The following GKAP1 variants were observed in gnomAD, a reference collection of about 807,000 sequenced individuals.
GKAP1 encodes G kinase anchoring protein 1, also known as G kinase-anchoring protein 1.
A neutral mutation model predicts 56.7 loss-of-function variants in GKAP1; 31 were observed. The ratio of observed to expected loss-of-function variants is 0.55; its 90% CI spans 0.41 to 0.74. The LOEUF is 0.74. Ranked by LOEUF, GKAP1 falls within the 30% of genes least tolerant of loss-of-function variation. The pLI is 0.00. For missense variants in GKAP1, 364 were observed against 402.3 expected (o/e 0.90, Z 0.82); for synonymous variants, 151 against 138.6 (o/e 1.09, Z -0.63).
chr9:83,776,532 TA>T (rs1031647405), intron 7 of GKAP1, among the ~76,000 whole-genome samples: 42 of 152,096 alleles, frequency 2.8e-4, no homozygotes, highest in Middle Eastern at 6.8e-3. Context: ...CCACCTCTAT[TA>T]AAAATACAAA....
intron 2 of GKAP1, among the ~76,000 whole-genome samples, chr9:83,813,789 AC>A (rs1200395525): frequency 6.6e-6 from 1 of 152,202 alleles, no homozygotes; most frequent in African/African-American, 2.4e-5. Context: ...ACTAGTACAA[AC>A]TATTAATTTA....
At chr9:83,768,587 T>C (rs1013940045) in intron 8 of GKAP1, among the ~76,000 whole-genome samples, 1 of 152,170 alleles carries the variant, frequency 6.6e-6, no homozygotes, top group African/African-American at 2.4e-5. Context: ...TAACAGTACA[T>C]AGCTTATGGC....
intron 7 of GKAP1, among the ~76,000 whole-genome samples, chr9:83,778,523 A>T (rs1222441356): frequency 6.6e-6 from 1 of 152,152 alleles, no homozygotes; most frequent in East Asian, 1.9e-4. Flanking sequence ...GAGGGGAACA[A>T]GACACACTGG....
chr9:83,811,874 T>C (rs1450364028), intron 2 of GKAP1, among the ~76,000 whole-genome samples: 3 of 151,990 alleles, frequency 2.0e-5, no homozygotes, highest in Non-Finnish European at 4.4e-5. Context: ...ATCTGTGCTA[T>C]GCTATACTTA....
chr9:83,793,324 A>G (rs142757053), intron 4 of GKAP1, among the ~76,000 whole-genome samples: 1 of 152,216 alleles, frequency 6.6e-6, no homozygotes, highest in African/African-American at 2.4e-5. Context: ...ACTTAATAGC[A>G]GTGGTGCATA....
chr9:83,768,226 C>T (rs1014835724), intron 8 of GKAP1, among the ~76,000 whole-genome samples: 1 of 152,140 alleles, frequency 6.6e-6, no homozygotes, highest in Non-Finnish European at 1.5e-5. Context: ...CAGAATTTTT[C>T]AGTTTCCTAA....
intron 4 of GKAP1, among the ~76,000 whole-genome samples, chr9:83,791,796 A>G (rs1234261738): frequency 1.3e-5 from 2 of 152,222 alleles, no homozygotes; most frequent in Non-Finnish European, 2.9e-5. Flanking sequence ...AAGAGCTACA[A>G]AAGTTGAGAA....
intron 4 of GKAP1, among the ~76,000 whole-genome samples, chr9:83,794,969 T>C (rs1262099859): frequency 6.6e-6 from 1 of 151,800 alleles, no homozygotes; most frequent in Non-Finnish European, 1.5e-5. Flanking sequence ...CAGCCTGGCC[T>C]GTAAAATCCC....
At chr9:83,771,155 T>G (rs1205113852) in intron 7 of GKAP1, among the ~76,000 whole-genome samples, 4 of 152,010 alleles carry the variant, frequency 2.6e-5, no homozygotes, top group Non-Finnish European at 5.9e-5. Context: ...CTCACCCCTT[T>G]AGGTTCAAGC....
At chr9:83,772,122 G>C (rs193121016) in intron 7 of GKAP1, among the ~76,000 whole-genome samples, 2 of 152,006 alleles carry the variant, frequency 1.3e-5, no homozygotes, top group African/African-American at 4.8e-5. Context: ...TATGGCAAAT[G>C]TAAGAACATA....
chr9:83,790,521 G>A lies in GKAP1; in HGVS notation c.361-1843C>T, dbSNP rs937591905. Among the ~76,000 whole-genome samples the A allele has an allele frequency of 9.2e-5, 14 of 152,094 alleles. No individual in the cohort carries two copies. The East Asian group carries it at 1.7e-3, about 19-fold the overall frequency. On this transcript the variant is annotated intron_variant, in intron 4 of 12. Coordinates refer to ENST00000376371, the MANE Select transcript of GKAP1 (RefSeq NM_025211.4). ...AAACTAGGCCGGCACAGTGGCTCAC[G>A]CCTATAATCCCAGCACTTTAGGAGG...
chr9:83,750,905 A>G (rs763923724), intron 9 of GKAP1, among the ~76,000 whole-genome samples: 3 of 151,538 alleles, frequency 2.0e-5, no homozygotes. Context: ...GCACGATCTT[A>G]GCTCACTGCA....
Position 83,779,448 on chromosome 9 carries a change from T to TACACACAC in GKAP1, c.585+926_585+933dup, listed in dbSNP as rs368970118. Among the ~76,000 whole-genome samples the TACACACAC allele has an allele frequency of 5.8e-4, 69 of 119,612 alleles. 1 individual carries two copies. Among genetic ancestry groups the TACACACAC allele is most frequent in the African/African-American group, 1.7e-3 (56 of 32,406 alleles). The allele number at this position is 119,612 out of a possible 152,430, so 78.5% of individuals were successfully genotyped here. On this transcript the variant is annotated intron_variant, in intron 7 of 12. Coordinates refer to ENST00000376371, the MANE Select transcript of GKAP1 (RefSeq NM_025211.4). ...AGCCATATATATATATATATATATA[T>TACACACAC]ACACACACACACACACGCACATATA...
intron 8 of GKAP1, among the ~76,000 whole-genome samples, chr9:83,765,909 G>A (rs1185470013): frequency 2.6e-5 from 4 of 152,148 alleles, no homozygotes; most frequent in East Asian, 1.9e-4. Context: ...TGGGTTAATC[G>A]TGGAATGAGT....
chr9:83,785,236 T>A (rs570259999), intron 5 of GKAP1, among the ~76,000 whole-genome samples: 1 of 151,988 alleles, frequency 6.6e-6, no homozygotes, highest in African/African-American at 2.4e-5. Flanking sequence ...TTTTCAAGCA[T>A]CTCTTGGTTT....
At position 83,784,827 on chromosome 9, in the gene GKAP1, A is replaced by G; in HGVS notation, c.450T>C (p.Asp150=). The G allele has an allele frequency of 6.3e-7, 1 of 1,576,670 alleles. No individual in the cohort carries two copies. The highest frequency in any genetic ancestry group is 1.2e-5 in the South Asian group (1 of 85,426). The change falls in exon 6 of 13, where the codon GAT becomes GAC. Residue 150 remains aspartate, a synonymous_variant. Coordinates refer to ENST00000376371, the MANE Select transcript of GKAP1 (RefSeq NM_025211.4). The part of the protein sequence containing the change: ...EYEEHKKEYE[D]AENTSTQSKV... ...TGGACTGAGTTGAAGTATTTTCAGC[A>G]TCTTCATACTCCTAAAAAGAATTAC...
chr9:83,745,905 T>A lies in GKAP1; in HGVS notation c.904+2404A>T, dbSNP rs570523543. Among the ~76,000 whole-genome samples the A allele has an allele frequency of 8.0e-4, 121 of 152,088 alleles. 1 individual carries two copies. Among genetic ancestry groups the A allele is most frequent in the Non-Finnish European group, 1.3e-3 (90 of 67,980 alleles). On this transcript the variant is annotated intron_variant, in intron 10 of 12. Transcript: ENST00000376371. ...TCCTGTGTTCAAGTGATTCTTGCACTTCAGCCTCCCAAGTAGCTGGGATTA... is the reference window on the plus strand; with the variant it reads ...TCCTGTGTTCAAGTGATTCTTGCACATCAGCCTCCCAAGTAGCTGGGATTA...
Position 83,742,598 on chromosome 9 carries a change from TCA to T in GKAP1, c.905_906del (p.Met302LysfsTer3), listed in dbSNP as rs1338260719. On this transcript the variant is annotated frameshift_variant and splice_region_variant, in exon 11 of 13. Coordinates refer to ENST00000376371, the MANE Select transcript of GKAP1 (RefSeq NM_025211.4). LOFTEE classifies it high-confidence loss of function. Reference sequence around the variant, plus strand: ...TGCAGAAGTATTTCTGCCTTATCTTTCACTGACAAAAAAGGAAAAACAGCAGT... The same window carrying T: ...TGCAGAAGTATTTCTGCCTTATCTTTCTGACAAAAAAGGAAAAACAGCAGT... ...QLLKMLQEGE[M>X]KDKAEILLQV... The T allele has an allele frequency of 6.2e-7, 1 of 1,609,466 alleles. No homozygotes were observed. The highest frequency in any genetic ancestry group is 1.3e-5 in the African/African-American group (1 of 74,724).
At chr9:83,781,423 T>C (rs1326379777) in intron 6 of GKAP1, among the ~76,000 whole-genome samples, 2 of 152,236 alleles carry the variant, frequency 1.3e-5, no homozygotes, top group East Asian at 1.9e-4. Flanking sequence ...AGGTATCTAA[T>C]ACTTAACAAT....
Sources: allele counts gnomAD v4.1 joint callset (sites outside exome capture counted in the v4.1 genomes callset), GRCh38; gene constraint gnomAD v4.1.1; transcripts MANE v1.5; gene names NCBI Gene and HGNC (gene_info 2026-07-23, HGNC 2026-07-21).